TENM2: variants seen among roughly 807,000 people sequenced by gnomAD.
The protein encoded by TENM2 is teneurin transmembrane protein 2, also known as teneurin-2.
Under a neutral mutation model 245.2 loss-of-function variants are expected in TENM2, and 52 were observed. The observed-to-expected ratio is 0.21, with a 90% CI of 0.17 to 0.27. The LOEUF is 0.27. Among genes scored for constraint, TENM2 ranks in the 10% least tolerant of loss-of-function variants. The pLI is 1.00. For missense variants in TENM2, 3,046 were observed against 3,666.8 expected (o/e 0.83, Z 4.37); for synonymous variants, 1,363 against 1,438.9 (o/e 0.95, Z 1.19).
At chr5:167,592,479 C>T (rs187273821) in intron 2 of TENM2, among the ~76,000 whole-genome samples, 4 of 152,272 alleles carry the variant, frequency 2.6e-5, no homozygotes, top group Middle Eastern at 3.4e-3. Context: ...AACAAGGCAG[C>T]CCAGAGCCTT....
the TENM2 span, among the ~76,000 whole-genome samples, chr5:167,248,695 C>G: frequency 1.3e-5 from 2 of 151,866 alleles, no homozygotes; most frequent in Non-Finnish European, 2.9e-5. Context: ...GCGGACTTAG[C>G]TGAACCCATA....
At chr5:168,192,064 A>G (rs932241759) in intron 14 of TENM2, among the ~76,000 whole-genome samples, 1 of 152,156 alleles carries the variant, frequency 6.6e-6, no homozygotes, top group Non-Finnish European at 1.5e-5. Context: ...CAGCCCTGAT[A>G]CCTCCTAGCG....
At chr5:168,052,006 T>A (rs926320160) in intron 6 of TENM2, among the ~76,000 whole-genome samples, 1 of 152,138 alleles carries the variant, frequency 6.6e-6, no homozygotes, top group Non-Finnish European at 1.5e-5. Flanking sequence ...ACGCCTGTAA[T>A]CCCAACACTT....
chr5:167,331,185 G>T (rs1365830940), intron 1 of TENM2, among the ~76,000 whole-genome samples: 1 of 134,428 alleles, frequency 7.4e-6, no homozygotes, highest in African/African-American at 2.8e-5. Flanking sequence ...GCAGTGAGCC[G>T]AGATCATGCT....
chr5:168,010,836 T>C (rs1404120363), intron 5 of TENM2, among the ~76,000 whole-genome samples: 1 of 152,238 alleles, frequency 6.6e-6, no homozygotes, highest in Non-Finnish European at 1.5e-5. Flanking sequence ...TAGGAACGAA[T>C]GCCCCTCCGC....
intron 10 of TENM2, among the ~76,000 whole-genome samples, chr5:168,123,193 G>T (rs1426990473): frequency 6.6e-6 from 1 of 151,878 alleles, no homozygotes; most frequent in South Asian, 2.1e-4. Context: ...TAACTAGTTG[G>T]CAGACTAAGG....
exon 6 of TENM2, chr5:168,047,437 G>A (rs1481560354): frequency 6.4e-7 from 1 of 1,551,580 alleles, no homozygotes; most frequent in Non-Finnish European, 8.7e-7. Context: ...CAATGCATCT[G>A]CTCGGACTCA....
chr5:167,097,107 A>T, the TENM2 span, among the ~76,000 whole-genome samples: 3 of 152,142 alleles, frequency 2.0e-5, no homozygotes, highest in South Asian at 6.2e-4. Flanking sequence ...TCCCCGCCCG[A>T]GAGAGTCAAA....
chr5:167,738,459 G>GT (rs1443080666), intron 2 of TENM2, among the ~76,000 whole-genome samples: 7 of 152,264 alleles, frequency 4.6e-5, no homozygotes, highest in Admixed American at 2.6e-4. Flanking sequence ...TTGGATGTCT[G>GT]TCCCCCTTGC....
At chr5:168,040,369 T>C (rs926689700) in intron 5 of TENM2, among the ~76,000 whole-genome samples, 4 of 152,210 alleles carry the variant, frequency 2.6e-5, no homozygotes, top group Non-Finnish European at 4.4e-5. Flanking sequence ...TTCTTTGTAA[T>C]TCCTGAGCCA....
intron 5 of TENM2, among the ~76,000 whole-genome samples, chr5:168,010,022 CT>C (rs1260711952): frequency 1.3e-5 from 2 of 152,230 alleles, no homozygotes; most frequent in African/African-American, 4.8e-5. Context: ...GAATCCACCC[CT>C]GAAGCCTGCA....
intron 3 of TENM2, among the ~76,000 whole-genome samples, chr5:167,935,146 G>A (rs552042877): frequency 3.3e-5 from 5 of 152,264 alleles, no homozygotes; most frequent in Non-Finnish European, 5.9e-5. Flanking sequence ...AAACAGAGGC[G>A]TGAAAAGAGC....
rs1357814286 is a variant in TENM2 at position 167,547,588 on chromosome 5, T to A, written c.502+172115T>A. 2.0e-5 allele frequency among the ~76,000 whole-genome samples: 3 copies of A among 152,356 alleles called. No homozygotes were observed. The East Asian group carries it at 5.8e-4, about 29-fold the overall frequency. Reference sequence around the variant, plus strand: ...AACTATTTTGTCTATAAATGTGGAATCCTATAATAGACAGTGGAGCTACCC... The same window carrying A: ...AACTATTTTGTCTATAAATGTGGAAACCTATAATAGACAGTGGAGCTACCC... On this transcript the variant is annotated intron_variant, in intron 2 of 28. Coordinates refer to ENST00000518659, the Ensembl canonical transcript of TENM2.
chr5:167,266,081 T>C, the TENM2 span, among the ~76,000 whole-genome samples: 17 of 152,178 alleles, frequency 1.1e-4, no homozygotes, highest in Non-Finnish European at 2.2e-4. Context: ...GTCCCAGTTG[T>C]GGAATGTCTG....
At chr5:167,338,096 C>T (rs1261781184) in intron 1 of TENM2, among the ~76,000 whole-genome samples, 4 of 152,152 alleles carry the variant, frequency 2.6e-5, no homozygotes, top group Non-Finnish European at 4.4e-5. Context: ...TATATTGTTA[C>T]AAAAGGTCAA....
chr5:167,608,562 T>G (rs186408487), intron 2 of TENM2, among the ~76,000 whole-genome samples: 1 of 152,336 alleles, frequency 6.6e-6, no homozygotes, highest in East Asian at 1.9e-4. Flanking sequence ...GGGGGCACTT[T>G]CGGCAGCGCC....
At chr5:167,409,083 C>T (rs1275064873) in intron 2 of TENM2, among the ~76,000 whole-genome samples, 7 of 151,620 alleles carry the variant, frequency 4.6e-5, no homozygotes, top group Non-Finnish European at 8.8e-5. Flanking sequence ...TACTCGAAGT[C>T]ACTTGGGAAA....
chr5:167,459,239 A>G (rs985303935), intron 2 of TENM2, among the ~76,000 whole-genome samples: 11 of 152,316 alleles, frequency 7.2e-5, no homozygotes, highest in African/African-American at 2.6e-4. Context: ...AGGGAATCCT[A>G]CGATATCTGT....
chr5:168,008,637 G>A (rs145785229), intron 5 of TENM2, among the ~76,000 whole-genome samples: 1 of 152,140 alleles, frequency 6.6e-6, no homozygotes, highest in Non-Finnish European at 1.5e-5. Flanking sequence ...AGTTAACTGC[G>A]AGAGATTTCT....
Sources: gnomAD v4.1 joint callset for allele counts (sites outside exome capture counted in the v4.1 genomes callset) on GRCh38, gnomAD v4.1.1 for gene constraint, MANE v1.5 for transcripts, NCBI Gene and HGNC (gene_info 2026-07-23, HGNC 2026-07-21) for gene names.